ZNF8: variants seen among roughly 807,000 people sequenced by gnomAD.
ZNF8 encodes zinc finger protein 8.
A neutral mutation model predicts 12.2 loss-of-function variants in ZNF8; 9 were observed. That is an observed-to-expected ratio of 0.73 (90% CI 0.44 to 1.28). The LOEUF is 1.28. ZNF8 is among the 50% of genes most tolerant of loss of function. The pLI is 0.00. For synonymous variants in ZNF8, 274 were observed against 282.3 expected (o/e 0.97, Z 0.30); for missense variants, 664 against 729.1 (o/e 0.91, Z 1.03).
intron 3 of ZNF8, among the ~76,000 whole-genome samples, chr19:58,289,802 CT>C (rs879532036): frequency 1.6e-3 from 237 of 144,488 alleles, no homozygotes; most frequent in Middle Eastern, 7.2e-3. Context: ...TTTCAAGATT[CT>C]TTTTTTTTTT....
rs1322936472 is a variant in ZNF8, at chr19:58,297,886, T to C, written c.*2350T>C. 1 of 152,194 alleles carries C rather than the reference T, an allele frequency of 6.6e-6. No individual in the cohort carries two copies. The highest frequency in any genetic ancestry group is 1.5e-5 in the Non-Finnish European group (1 of 68,044). 9.4% of individuals were successfully genotyped at this position (152,194 alleles called of 1,614,324 possible). A position where few individuals can be genotyped will look rare whatever the true frequency, so the allele number is the denominator to read the frequency against. On this transcript the variant is annotated 3_prime_UTR_variant, in exon 4 of 4. Coordinates refer to ENST00000621650, the MANE Select transcript of ZNF8 (RefSeq NM_021089.3). Reference sequence around the variant, plus strand: ...TCACATTTTTGCTGTGCACTGATAGTGTGAAAGCAATGGCAGGTAAAACTG... The same window carrying C: ...TCACATTTTTGCTGTGCACTGATAGCGTGAAAGCAATGGCAGGTAAAACTG...
intron 3 of ZNF8, among the ~76,000 whole-genome samples, chr19:58,288,012 G>A (rs552069048): frequency 9.7e-4 from 107 of 110,754 alleles, no homozygotes; most frequent in Non-Finnish European, 1.4e-3. Flanking sequence ...CTTTTTGTTT[G>A]TTTGTGTGTC....
At chr19:58,285,901 G>C (rs1333328176) in intron 2 of ZNF8, 58 bp downstream of exon 2, 1 of 1,555,894 alleles carries the variant, frequency 6.4e-7, no homozygotes, top group Non-Finnish European at 8.7e-7. Flanking sequence ...AAGTCATGGG[G>C]CCTCTGGTGT....
At chr19:58,281,698 C>G (rs11671486) in intron 1 of ZNF8, among the ~76,000 whole-genome samples, 45,965 of 152,084 alleles carry the variant, frequency 0.3, 8,208 homozygotes, top group Middle Eastern at 0.45. Flanking sequence ...GACCTCAGTT[C>G]CCAACCAAAG....
At position 58,279,524 on chromosome 19, in the gene ZNF8, G is replaced by A. The variant is rs766490217; in HGVS notation, c.66+377G>A. 21 of 1,501,088 alleles carry A rather than the reference G, an allele frequency of 1.4e-5. No individual in the cohort carries two copies. The South Asian group carries it at 2.5e-4, about 18-fold the overall frequency. 93.0% of individuals were successfully genotyped at this position (1,501,088 alleles called of 1,614,324 possible). On this transcript the variant is annotated intron_variant, in intron 1 of 3. Coordinates refer to ENST00000621650, the MANE Select transcript of ZNF8 (RefSeq NM_021089.3). Reference sequence around the variant, plus strand: ...ATAACAGTAATTGTAGCGTTGGCCGGGTGCCCAGATGGCAAGAATCATCGA... The same window carrying A: ...ATAACAGTAATTGTAGCGTTGGCCGAGTGCCCAGATGGCAAGAATCATCGA...
chr19:58,288,830 G>A (rs1464582839), intron 3 of ZNF8, among the ~76,000 whole-genome samples: 2 of 152,186 alleles, frequency 1.3e-5, no homozygotes, highest in East Asian at 3.8e-4. Context: ...TGAATCTGCT[G>A]CAGACCCTGT....
chr19:58,285,584 C>A, intron 1 of ZNF8, 133 bp from the exon 2 acceptor site: 1 of 1,311,676 alleles, frequency 7.6e-7, no homozygotes, highest in Non-Finnish European at 1.1e-6. Flanking sequence ...CCAGTGAGAC[C>A]TGACTCCCAT....
At position 58,279,089 on chromosome 19, in the gene ZNF8, C is replaced by G. The variant is rs866237397; in HGVS notation, c.8C>G (p.Pro3Arg). MD[P>R]EDEGVAGVMS... ...TTCACTGGGCGATCCAGCATGGACCCCGAGGACGAAGGGGTAGCGGGAGTG... is the reference window on the plus strand; with the variant it reads ...TTCACTGGGCGATCCAGCATGGACCGCGAGGACGAAGGGGTAGCGGGAGTG... The change falls in exon 1 of 4, where the codon CCC becomes CGC. Residue 3 changes from proline (P) to arginine (R), a missense_variant. Pro to Arg is a moderately radical substitution (Grantham distance 103). Transcript: ENST00000621650. 6.6e-7 allele frequency: 1 copy of G among 1,523,868 alleles called. No individual in the cohort carries two copies. Among genetic ancestry groups the G allele is most frequent in the African/African-American group, 1.4e-5 (1 of 73,032 alleles). The allele number at this position is 1,523,868 out of a possible 1,614,324, so 94.4% of individuals were successfully genotyped here. A position where few individuals can be genotyped will look rare whatever the true frequency, so the allele number is the denominator to read the frequency against.
rs1353189752 is a variant in ZNF8, at chr19:58,301,493, C to G, written c.*5957C>G. Reference sequence around the variant, plus strand: ...TCATTCCTCCTTTCTGCTCCACCAGCAGTTTGGGGCACAGGCTTGGGAATC... The same window carrying G: ...TCATTCCTCCTTTCTGCTCCACCAGGAGTTTGGGGCACAGGCTTGGGAATC... On this transcript the variant is annotated 3_prime_UTR_variant, in exon 4 of 4. Coordinates refer to ENST00000621650, the MANE Select transcript of ZNF8 (RefSeq NM_021089.3). The G allele has an allele frequency of 6.6e-6, 1 of 152,372 alleles. No individual in the cohort carries two copies. The highest frequency in any genetic ancestry group is 1.5e-5 in the Non-Finnish European group (1 of 68,158). 9.4% of individuals were successfully genotyped at this position (152,372 alleles called of 1,614,324 possible).
chr19:58,286,296 C>T, intron 3 of ZNF8, 91 bp downstream of exon 3: 7 of 1,046,320 alleles, frequency 6.7e-6, no homozygotes, highest in East Asian at 2.5e-5. Flanking sequence ...GTTGGTGGTC[C>T]TGAAGACCAC....
At chr19:58,283,510 C>A (rs1196480224) in intron 1 of ZNF8, among the ~76,000 whole-genome samples, 1 of 152,034 alleles carries the variant, frequency 6.6e-6, no homozygotes, top group Non-Finnish European at 1.5e-5. Context: ...ATGCCCTCCA[C>A]CATCTTATGT....
In ZNF8 at chr19:58,290,108, C is replaced by CTTTTTT. The variant is rs773199651; in HGVS notation, c.289+3921_289+3926dup. On this transcript the variant is annotated intron_variant, in intron 3 of 3. Coordinates refer to ENST00000621650, the MANE Select transcript of ZNF8 (RefSeq NM_021089.3). ...ACCGCGCCTGGCCCATTTCAAGATT[C>CTTTTTT]TTTTTTTTTTTTTTTTTTTTTTTGA... Among the ~76,000 whole-genome samples the CTTTTTT allele has an allele frequency of 6.4e-4, 47 of 73,430 alleles. 1 individual carries two copies. The highest frequency in any genetic ancestry group is 1.7e-3 in the African/African-American group (30 of 17,298). The allele number at this position is 73,430 out of a possible 152,430, so 48.2% of individuals were successfully genotyped here.
At chr19:58,288,424 C>T (rs1176953072) in intron 3 of ZNF8, among the ~76,000 whole-genome samples, 1 of 152,120 alleles carries the variant, frequency 6.6e-6, no homozygotes, top group Non-Finnish European at 1.5e-5. Flanking sequence ...AGTTGTGCTC[C>T]ATGCAGGAAG....
intron 3 of ZNF8, among the ~76,000 whole-genome samples, chr19:58,290,988 C>CA (rs2051416016): frequency 6.6e-6 from 1 of 152,150 alleles, no homozygotes; most frequent in African/African-American, 2.4e-5. Context: ...GAGATCATGC[C>CA]ACTGCACTTC....
rs2051482798 is a variant in ZNF8 at position 58,300,135 on chromosome 19, CA to C, written c.*4603del. On this transcript the variant is annotated 3_prime_UTR_variant, in exon 4 of 4. Transcript: ENST00000621650. The stretch of plus-strand genomic sequence containing the variant: ...GAGTTAGTACCATTTTATAGATAGG[CA>C]AAATTTGGCACAGGACAAAAGTTAG... The C allele has an allele frequency of 6.6e-6, 1 of 152,180 alleles. No homozygotes were observed. Among genetic ancestry groups the C allele is most frequent in the South Asian group, 2.1e-4 (1 of 4,828 alleles). 9.4% of individuals were successfully genotyped at this position (152,180 alleles called of 1,614,324 possible). A position where few individuals can be genotyped will look rare whatever the true frequency, so the allele number is the denominator to read the frequency against.
At chr19:58,286,851 G>A (rs1051674995) in intron 3 of ZNF8, 2 of 152,380 alleles carry the variant, frequency 1.3e-5, no homozygotes, top group African/African-American at 4.8e-5. Flanking sequence ...TAAGCTCAGA[G>A]GTCATCACCT....
chr19:58,286,488 T>TGACA (rs1175423670), intron 3 of ZNF8: 1 of 318,666 alleles, frequency 3.1e-6, no homozygotes, highest in African/African-American at 2.1e-5. Context: ...CACTCAGGTG[T>TGACA]GACACCTCAT....
chr19:58,295,345 G>A lies in ZNF8; in HGVS notation c.1537G>A (p.Val513Ile). Residue 513 changes from valine to isoleucine, a missense_variant, in exon 4 of 4, where the codon GTT becomes ATT. Transcript: ENST00000621650. ...EQSSSRNSHL[V>I]QHQHPNSRKS... ...ATCCTCGAGCAGGAACTCACACCTGGTTCAGCATCAACACCCGAACTCCAG... is the reference window on the plus strand; with the variant it reads ...ATCCTCGAGCAGGAACTCACACCTGATTCAGCATCAACACCCGAACTCCAG... The A allele has an allele frequency of 1.2e-6, 2 of 1,614,200 alleles. No homozygotes were observed. Among genetic ancestry groups the A allele is most frequent in the Non-Finnish European group, 1.7e-6 (2 of 1,180,016 alleles).
intron 3 of ZNF8, among the ~76,000 whole-genome samples, chr19:58,289,863 C>T (rs949594508): frequency 6.7e-6 from 1 of 148,360 alleles, no homozygotes; most frequent in Non-Finnish European, 1.5e-5. Context: ...GTGGTGTGAT[C>T]TCGGCTCACT....
Sources: gnomAD v4.1 joint callset for allele counts (sites outside exome capture counted in the v4.1 genomes callset) on GRCh38, gnomAD v4.1.1 for gene constraint, MANE v1.5 for transcripts, NCBI Gene and HGNC (gene_info 2026-07-23, HGNC 2026-07-21) for gene names.